SVEP1: variants seen among roughly 807,000 people sequenced by gnomAD.
SVEP1 encodes the protein sushi, von Willebrand factor type A, EGF and pentraxin domain containing 1, also known as sushi, von Willebrand factor type A, EGF and pentraxin domain-containing protein 1.
In SVEP1, 164 loss-of-function variants were observed where a neutral mutation model predicts 367.3. The observed-to-expected ratio is 0.45, with a 90% CI of 0.39 to 0.51. SVEP1 has a LOEUF of 0.51. Among genes scored for constraint, SVEP1 ranks in the 20% least tolerant of loss-of-function variants. The pLI, the probability that SVEP1 is intolerant of heterozygous loss-of-function variation, is 0.00. For missense variants in SVEP1, 4,117 were observed against 4,425.3 expected, an observed-to-expected ratio of 0.93 and a Z score of 1.98; for synonymous variants, 1,666 against 1,611.6, an observed-to-expected ratio of 1.03 and a Z score of -0.81.
At chr9:110,509,547 A>G (rs1829677585) in intron 5 of SVEP1, among the ~76,000 whole-genome samples, 1 of 152,178 alleles carries the variant, frequency 6.6e-6, no homozygotes, top group South Asian at 2.1e-4. Context: ...GTCTCAATCT[A>G]TCACCCACGC....
At chr9:110,369,801 G>A in intron 47 of SVEP1, 122 bp downstream of exon 47, 2 of 748,274 alleles carry the variant, frequency 2.7e-6, no homozygotes, top group Middle Eastern at 3.0e-4. Context: ...CAAAATGGAT[G>A]TTTTCACATA....
chr9:110,503,358 T>C, intron 5 of SVEP1, 141 bp from the exon 6 acceptor site: 2 of 768,996 alleles, frequency 2.6e-6, no homozygotes, highest in Non-Finnish European at 4.1e-6. Flanking sequence ...TACACCACCA[T>C]TTTTTGAGTT....
At chr9:110,451,079 A>T (rs138368710) in intron 23 of SVEP1, among the ~76,000 whole-genome samples, 32 of 152,298 alleles carry the variant, frequency 2.1e-4, no homozygotes, top group African/African-American at 6.5e-4. Context: ...TTTTTGCTGA[A>T]CCATTTGAGA....
Position 110,579,433 on chromosome 9 carries a change from C to G in SVEP1, c.111G>C (p.Glu37Asp). 6.3e-7 allele frequency: 1 copy of G among 1,590,988 alleles called. No homozygotes were observed. Residue 37 changes from glutamate to aspartate, a missense_variant, in exon 1 of 48, where the codon GAG becomes GAC. Glu to Asp is a conservative substitution (Grantham distance 45, BLOSUM62 2). This residue lies in a region of SVEP1 where 161 missense variants were observed against 122.4 expected (regional missense o/e 1.32). Transcript: ENST00000374469. The surrounding 1 kb of genome is among the most constrained non-coding windows in gnomAD (Gnocchi z 5.3). ...SRNFSFRLFP[E>D]TAPGAPGSIP... Reference sequence around the variant, plus strand: ...TACTCCCGGGGGCCCCGGGCGCGGTCTCGGGGAAGAGGCGGAAGCTGAAAT... The same window carrying G: ...TACTCCCGGGGGCCCCGGGCGCGGTGTCGGGGAAGAGGCGGAAGCTGAAAT...
At chr9:110,497,077 C>T in intron 7 of SVEP1, 144 bp from the exon 8 acceptor site, 1 of 531,398 alleles carries the variant, frequency 1.9e-6, no homozygotes, top group Non-Finnish European at 3.3e-6. Flanking sequence ...TCTGCACCCA[C>T]CTGCTTTCCT....
chr9:110,499,718 A>T (rs1484847072), intron 6 of SVEP1, among the ~76,000 whole-genome samples: 1 of 152,204 alleles, frequency 6.6e-6, no homozygotes, highest in Non-Finnish European at 1.5e-5. Context: ...TAGGGCCTTG[A>T]CCTTGAATGC....
At chr9:110,451,710 T>C (rs1175431913) in intron 22 of SVEP1, among the ~76,000 whole-genome samples, 1 of 152,236 alleles carries the variant, frequency 6.6e-6, no homozygotes, top group African/African-American at 2.4e-5. Flanking sequence ...TTGCTAGTTG[T>C]TCTCTTTTTG....
chr9:110,440,071 A>T (rs760731685), intron 27 of SVEP1, among the ~76,000 whole-genome samples: 2 of 152,128 alleles, frequency 1.3e-5, no homozygotes, highest in Non-Finnish European at 2.9e-5. Context: ...ACAAGAACAC[A>T]CTAAATGAAA....
At position 110,499,066 on chromosome 9, in the gene SVEP1, G is replaced by A. The variant is rs778375256; in HGVS notation, c.1656C>T (p.Val552=). Residue 552 remains valine, a synonymous_variant, in exon 7 of 48, where the codon GTC becomes GTT. Transcript: ENST00000374469. The part of the protein sequence containing the change: ...LRCTTSGKWN[V]GVQAAVCKDV... ...CTTTACACACAGCTGCCTGAACTCCGACATTCCATTTTCCAGAAGTGGTAC... is the reference window on the plus strand; with the variant it reads ...CTTTACACACAGCTGCCTGAACTCCAACATTCCATTTTCCAGAAGTGGTAC... 9.7e-5 allele frequency: 157 copies of A among 1,613,406 alleles called. No homozygotes were observed. Among genetic ancestry groups the A allele is most frequent in the South Asian group, 3.5e-4 (32 of 91,022 alleles).
At chr9:110,484,308 G>A (rs561614717) in intron 9 of SVEP1, among the ~76,000 whole-genome samples, 5 of 152,204 alleles carry the variant, frequency 3.3e-5, no homozygotes, top group East Asian at 1.9e-4. Flanking sequence ...GTGGGAACCC[G>A]CAAGTGAGGA....
intron 20 of SVEP1, chr9:110,458,166 A>T (rs775174213): frequency 3.5e-6 from 2 of 568,636 alleles, no homozygotes; most frequent in East Asian, 4.2e-5. Flanking sequence ...CTCTTACTCA[A>T]ATGATGGGTT....
intron 14 of SVEP1, among the ~76,000 whole-genome samples, chr9:110,474,159 C>T (rs1829064264): frequency 6.6e-6 from 1 of 152,116 alleles, no homozygotes; most frequent in African/African-American, 2.4e-5. Flanking sequence ...TGCCACCATG[C>T]TCTGCTAATT....
intron 1 of SVEP1, among the ~76,000 whole-genome samples, chr9:110,569,048 A>G (rs1229492343): frequency 6.6e-6 from 1 of 152,194 alleles, no homozygotes; most frequent in Non-Finnish European, 1.5e-5. Flanking sequence ...AGACATGATC[A>G]TGCCATTGCA....
At chr9:110,373,348 G>A (rs1564121500) in intron 46 of SVEP1, among the ~76,000 whole-genome samples, 1 of 152,164 alleles carries the variant, frequency 6.6e-6, no homozygotes, top group African/African-American at 2.4e-5. Context: ...GGTGACGACT[G>A]CACATCTGCT....
chr9:110,480,620 C>A (rs537596088), intron 12 of SVEP1, among the ~76,000 whole-genome samples: 1 of 152,112 alleles, frequency 6.6e-6, no homozygotes, highest in Non-Finnish European at 1.5e-5. Flanking sequence ...CTTCTGCACA[C>A]TATGAGAGTT....
At chr9:110,394,350 G>C (rs1827722719) in intron 40 of SVEP1, among the ~76,000 whole-genome samples, 1 of 152,108 alleles carries the variant, frequency 6.6e-6, no homozygotes, top group African/African-American at 2.4e-5. Flanking sequence ...AAACCCATCT[G>C]TACGTCACCA....
intron 46 of SVEP1, among the ~76,000 whole-genome samples, chr9:110,371,417 G>A (rs543481573): frequency 2.0e-5 from 3 of 152,158 alleles, no homozygotes; most frequent in South Asian, 2.1e-4. Flanking sequence ...TTCATGTTGC[G>A]TGTCTTCTGC....
chr9:110,460,735 G>A (rs138403593), intron 18 of SVEP1, among the ~76,000 whole-genome samples: 139 of 151,860 alleles, frequency 9.2e-4, no homozygotes, highest in African/African-American at 3.0e-3. Flanking sequence ...CCTGAGCAAC[G>A]GAGTGAGACT....
intron 27 of SVEP1, 75 bp from the exon 28 acceptor site, chr9:110,436,579 T>C (rs1828433623): frequency 2.0e-6 from 3 of 1,528,322 alleles, no homozygotes; most frequent in Non-Finnish European, 1.8e-6. Flanking sequence ...CCAAATTTAA[T>C]GAAAGCACGA....
Sources: allele counts gnomAD v4.1 joint callset (sites outside exome capture counted in the v4.1 genomes callset), GRCh38; gene constraint gnomAD v4.1.1; regional missense constraint gnomAD v4.1.1; non-coding constraint Gnocchi (gnomAD v3.1); transcripts MANE v1.5; gene names NCBI Gene and HGNC (gene_info 2026-07-23, HGNC 2026-07-21).